Variants in PCDH10 observed in about 807,000 individuals in gnomAD.
The protein encoded by PCDH10 is protocadherin-10.
PCDH10 carries 15 observed loss-of-function variants against 74.4 expected under a neutral mutation model. The observed-to-expected ratio is 0.20, with a 90% CI of 0.13 to 0.31. The LOEUF is 0.31. Ranked by LOEUF, PCDH10 falls within the 10% of genes least tolerant of loss-of-function variation. The pLI, the probability that PCDH10 is intolerant of heterozygous loss-of-function variation, is 1.00. For missense variants in PCDH10, 1,260 were observed against 1,390.2 expected (o/e 0.91, Z 1.49); for synonymous variants, 619 against 589.8 (o/e 1.05, Z -0.72).
At position 133,172,505 on chromosome 4, in the gene PCDH10, G is replaced by A. The variant is rs542181473; in HGVS notation, c.3103+9223G>A. ...ATAACTCAAGAAATGTTTACAAAAT[G>A]AGTACACCTGTATAGTTACAAAAAC... On this transcript the variant is annotated intron_variant, in intron 4 of 4. Transcript: ENST00000264360. 4.6e-5 allele frequency among the ~76,000 whole-genome samples: 7 copies of A among 151,950 alleles called. No individual in the cohort carries two copies. In the South Asian group the frequency reaches 1.5e-3, roughly 32 times the overall value.
At chr4:133,160,464 G>C (rs1255312611) in intron 3 of PCDH10, among the ~76,000 whole-genome samples, 1 of 148,702 alleles carries the variant, frequency 6.7e-6, no homozygotes, top group East Asian at 2.0e-4. Context: ...TTCTCAACTT[G>C]TGTGAACTTT....
chr4:133,207,921 CT>C (rs1016384161), intron 2 of PCDH10, among the ~76,000 whole-genome samples: 70 of 152,216 alleles, frequency 4.6e-4, no homozygotes, highest in Admixed American at 3.9e-3. Flanking sequence ...TACCTCTCCC[CT>C]GAATGTAGGT....
downstream of PCDH10, among the ~76,000 whole-genome samples, chr4:133,196,448 G>A (rs559082940): frequency 6.6e-6 from 1 of 152,268 alleles, no homozygotes; most frequent in African/African-American, 2.4e-5. Flanking sequence ...GATGGTGCCA[G>A]CTATTTGATT....
chr4:133,185,170 A>G lies in PCDH10; in HGVS notation c.3104-4971A>G, dbSNP rs529359639. Among the ~76,000 whole-genome samples, 8 of 148,160 alleles carry G rather than the reference A, an allele frequency of 5.4e-5. No homozygotes were observed. In the East Asian group the frequency reaches 1.4e-3, roughly 25 times the overall value. ...TATGTATATATTTATATATTTACAC[A>G]TATAAATAAATATATAAATATATAT... On this transcript the variant is annotated intron_variant, in intron 4 of 4. Coordinates refer to ENST00000264360, the MANE Select transcript of PCDH10 (RefSeq NM_032961.3).
At chr4:133,162,460 T>G (rs1726988314) in intron 3 of PCDH10, among the ~76,000 whole-genome samples, 1 of 152,210 alleles carries the variant, frequency 6.6e-6, no homozygotes, top group African/African-American at 2.4e-5. Context: ...CTGTTGAATT[T>G]CACTTTCTGC....
rs144017898 is a variant in PCDH10, at chr4:133,163,033, C to T, written c.2854C>T (p.Arg952Trp). ...EECKALGHSD[R>W]CWMPSFVPSD... is the part of the protein sequence containing the mutation. ...ATGTAAAGCTCTGGGCCACTCAGAT[C>T]GGTGCTGGATGCCTTCTTTTGTCCC... The change falls in exon 4 of 5, where the codon CGG becomes TGG. Residue 952 changes from arginine (R) to tryptophan (W), a missense_variant. Coordinates refer to ENST00000264360, the MANE Select transcript of PCDH10 (RefSeq NM_032961.3). 5 of 1,614,024 alleles carry T rather than the reference C, an allele frequency of 3.1e-6. No homozygotes were observed. The highest frequency in any genetic ancestry group is 4.2e-6 in the Non-Finnish European group (5 of 1,180,016).
At chr4:133,152,916 C>A in intron 1 of PCDH10, 145 bp downstream of exon 1, 1 of 1,459,438 alleles carries the variant, frequency 6.9e-7, no homozygotes, top group South Asian at 1.5e-5. Flanking sequence ...GATGGGCGGT[C>A]ACCTTCTCCC....
At chr4:133,204,419 G>A (rs561625674) in intron 2 of PCDH10, among the ~76,000 whole-genome samples, 228 of 152,278 alleles carry the variant, frequency 1.5e-3, no homozygotes, top group Non-Finnish European at 2.6e-3. Flanking sequence ...TAGGACTCAA[G>A]CACCAGCCTA....
intron 4 of PCDH10, among the ~76,000 whole-genome samples, chr4:133,180,910 T>G (rs941783611): frequency 4.0e-4 from 60 of 150,554 alleles, no homozygotes; most frequent in African/African-American, 1.4e-3. Flanking sequence ...TTCAATAATT[T>G]AACATTTTTG....
chr4:133,163,474 A>T (rs1727017790), intron 4 of PCDH10, among the ~76,000 whole-genome samples, 192 bp downstream of exon 4: 1 of 152,144 alleles, frequency 6.6e-6, no homozygotes, highest in Non-Finnish European at 1.5e-5. Context: ...TGAGACATTA[A>T]TAATTGCACT....
In PCDH10 at chr4:133,194,540, G is replaced by A. The variant is rs1430486065; in HGVS notation, c.*4380G>A. 1.3e-5 allele frequency: 2 copies of A among 151,824 alleles called. No homozygotes were observed. The allele number at this position is 151,824 out of a possible 1,614,324, so 9.4% of individuals were successfully genotyped here. ...TGCTATAATAATACATAAGTAAAATGAGTGTAAATGTAATAAATTATTTTA... is the reference window on the plus strand; with the variant it reads ...TGCTATAATAATACATAAGTAAAATAAGTGTAAATGTAATAAATTATTTTA... On this transcript the variant is annotated 3_prime_UTR_variant, in exon 5 of 5. Coordinates refer to ENST00000264360, the MANE Select transcript of PCDH10 (RefSeq NM_032961.3).
At chr4:133,204,431 C>T in intron 2 of PCDH10, among the ~76,000 whole-genome samples, 1 of 152,186 alleles carries the variant, frequency 6.6e-6, no homozygotes, top group Non-Finnish European at 1.5e-5. Flanking sequence ...ACCAGCCTAC[C>T]TTTAAGGTGC....
In PCDH10 at chr4:133,192,464, G is replaced by T. The variant is rs1727699236; in HGVS notation, c.*2304G>T. ...GAAAATAAGATTATACTCACTTCAT[G>T]TATAGTAATTATATTGTCATTTACC... On this transcript the variant is annotated 3_prime_UTR_variant, in exon 5 of 5. Transcript: ENST00000264360. The T allele has an allele frequency of 6.6e-6, 1 of 151,326 alleles. No homozygotes were observed. The highest frequency in any genetic ancestry group is 1.5e-5 in the Non-Finnish European group (1 of 67,530). 9.4% of individuals were successfully genotyped at this position (151,326 alleles called of 1,614,324 possible).
intron 3 of PCDH10, among the ~76,000 whole-genome samples, chr4:133,156,336 G>T (rs1216183483): frequency 6.6e-6 from 1 of 152,198 alleles, no homozygotes; most frequent in Admixed American, 6.5e-5. Flanking sequence ...TCTTTATATT[G>T]CTGTGAGTCA....
In PCDH10 at chr4:133,194,452, G is replaced by A. The variant is rs1398067422; in HGVS notation, c.*4292G>A. On this transcript the variant is annotated 3_prime_UTR_variant, in exon 5 of 5. Coordinates refer to ENST00000264360, the MANE Select transcript of PCDH10 (RefSeq NM_032961.3). ...ATTTTTGAGACAGTTATCTGTGAGT[G>A]AAAACAGGGTATTATAACAAAAGAT... 6.6e-6 allele frequency: 1 copy of A among 151,806 alleles called. No homozygotes were observed. Among genetic ancestry groups the A allele is most frequent in the Non-Finnish European group, 1.5e-5 (1 of 67,814 alleles). The allele number at this position is 151,806 out of a possible 1,614,324, so 9.4% of individuals were successfully genotyped here.
At position 133,150,746 on chromosome 4, in the gene PCDH10, C is replaced by G. The variant is rs554222780; in HGVS notation, c.606C>G (p.Thr202=). ...EQQAVHRYVL[T]AVDGGGGGGV... ...AAGCGGTGCACCGCTACGTGCTGACCGCGGTGGACGGAGGAGGTGGGGGAG... is the reference window on the plus strand; with the variant it reads ...AAGCGGTGCACCGCTACGTGCTGACGGCGGTGGACGGAGGAGGTGGGGGAG... The change falls in exon 1 of 5, where the codon ACC becomes ACG. Residue 202 remains threonine, a synonymous_variant. Coordinates refer to ENST00000264360, the MANE Select transcript of PCDH10 (RefSeq NM_032961.3). 1.3e-6 allele frequency: 2 copies of G among 1,545,542 alleles called. No homozygotes were observed. The highest frequency in any genetic ancestry group is 1.8e-5 in the Admixed American group (1 of 57,016).
chr4:133,178,308 C>T (rs894626722), intron 4 of PCDH10, among the ~76,000 whole-genome samples: 2 of 151,930 alleles, frequency 1.3e-5, no homozygotes, highest in African/African-American at 4.8e-5. Context: ...ACTATCTTGG[C>T]TCACTGCAAC....
rs1560715771 is a variant in PCDH10, at chr4:133,190,130, C to CT, written c.3104-6dup. The CT allele has an allele frequency of 3.1e-6, 5 of 1,608,076 alleles. No individual in the cohort carries two copies. In the South Asian group the frequency reaches 4.4e-5, roughly 14 times the overall value. On this transcript the variant is annotated splice_polypyrimidine_tract_variant and intron_variant, in intron 4 of 4. Transcript: ENST00000264360. ...TCTTTTTCTTAGAGTATTTTTCTTT[C>CT]TTTTTCACAGCACGGAAAAGGATAT...
At chr4:133,176,072 A>C (rs1300085534) in intron 4 of PCDH10, among the ~76,000 whole-genome samples, 1 of 152,108 alleles carries the variant, frequency 6.6e-6, no homozygotes, top group East Asian at 1.9e-4. Context: ...AGCATCACTA[A>C]TTTTACCATT....
Sources: allele counts gnomAD v4.1 joint callset (sites outside exome capture counted in the v4.1 genomes callset), GRCh38; gene constraint gnomAD v4.1.1; transcripts MANE v1.5; gene names NCBI Gene and HGNC (gene_info 2026-07-23, HGNC 2026-07-21).